Variants in NRCAM observed in about 807,000 individuals in gnomAD.
NRCAM encodes the protein NgCAM-related cell adhesion molecule.
In NRCAM, 83 loss-of-function variants were observed where a neutral mutation model predicts 156.5. The ratio of observed to expected loss-of-function variants is 0.53; its 90% CI spans 0.44 to 0.64. NRCAM has a LOEUF of 0.64. Ranked by LOEUF, NRCAM falls within the 30% of genes least tolerant of loss-of-function variation. The pLI is 0.00. For missense variants in NRCAM, 1,417 were observed against 1,597.3 expected (o/e 0.89, Z 1.92); for synonymous variants, 538 against 563.9 (o/e 0.95, Z 0.65).
chr7:108,207,607 C>T lies in NRCAM; in HGVS notation c.1128G>A (p.Glu376=). Residue 376 remains glutamate, a synonymous_variant, in exon 13 of 33, where the codon GAG becomes GAA. Coordinates refer to ENST00000379028, the MANE Select transcript of NRCAM (RefSeq NM_001037132.4). The part of the protein sequence containing the change: ...APQNLVLSPG[E]DGTLICRANG... Reference sequence around the variant, plus strand: ...TAGCTCTGCAGATCAAGGTCCCATCCTCTCCTGGGGACAGCACAAGATTTT... The same window carrying T: ...TAGCTCTGCAGATCAAGGTCCCATCTTCTCCTGGGGACAGCACAAGATTTT... 1 of 1,613,948 alleles carries T rather than the reference C, an allele frequency of 6.2e-7. No individual in the cohort carries two copies. Among genetic ancestry groups the T allele is most frequent in the Non-Finnish European group, 8.5e-7 (1 of 1,179,870 alleles).
At chr7:108,246,290 CAGGGTGGGTGTTCAGCCTTTG>C (rs1383404273) in intron 3 of NRCAM, among the ~76,000 whole-genome samples, 73 of 152,218 alleles carry the variant, frequency 4.8e-4, no homozygotes, top group African/African-American at 1.7e-3. Context: ...CAAAAAGAAT[CAGGGTGGGTGTTCAGCCTTTG>C]TCTGAACAAA....
chr7:108,224,247 T>C (rs1439467677), intron 10 of NRCAM, among the ~76,000 whole-genome samples: 5 of 152,082 alleles, frequency 3.3e-5, no homozygotes, highest in Non-Finnish European at 5.9e-5. Flanking sequence ...TGGAAGATGT[T>C]AGATTTTTAT....
At chr7:108,444,292 A>G (rs1276978881) in intron 1 of NRCAM, among the ~76,000 whole-genome samples, 2 of 152,066 alleles carry the variant, frequency 1.3e-5, no homozygotes, top group Admixed American at 6.6e-5. Context: ...GTGGTCTGAG[A>G]ACCAATCTTC....
intron 1 of NRCAM, among the ~76,000 whole-genome samples, chr7:108,411,814 A>C (rs1350961634): frequency 6.6e-6 from 1 of 152,184 alleles, no homozygotes; most frequent in Non-Finnish European, 1.5e-5. Context: ...TACAGGCATA[A>C]GCCACCACAC....
chr7:108,311,832 T>C (rs991386314), intron 3 of NRCAM, among the ~76,000 whole-genome samples: 3 of 152,240 alleles, frequency 2.0e-5, no homozygotes, highest in African/African-American at 4.8e-5. Flanking sequence ...AAATCTTGTA[T>C]ACAATCTTCT....
intron 30 of NRCAM, among the ~76,000 whole-genome samples, chr7:108,164,541 C>T (rs1056490820): frequency 9.1e-4 from 14 of 15,304 alleles, no homozygotes; most frequent in African/African-American, 2.1e-3. Flanking sequence ...CCTTACACCG[C>T]GGAACCGAGA....
intron 26 of NRCAM, 105 bp downstream of exon 26, chr7:108,177,885 G>T: frequency 1.0e-6 from 1 of 988,024 alleles, no homozygotes; most frequent in Non-Finnish European, 1.4e-6. Context: ...TATATGTATC[G>T]AAACATCACT....
chr7:108,369,531 C>T (rs968436898), intron 2 of NRCAM, among the ~76,000 whole-genome samples: 3 of 152,106 alleles, frequency 2.0e-5, no homozygotes, highest in Non-Finnish European at 4.4e-5. Context: ...TTATCCTCTT[C>T]AAATATATAT....
At chr7:108,365,917 AAAATTCATATGTTAAAACT>A (rs1179406460) in intron 2 of NRCAM, among the ~76,000 whole-genome samples, 1 of 152,172 alleles carries the variant, frequency 6.6e-6, no homozygotes, top group African/African-American at 2.4e-5. Flanking sequence ...TGCATCTCTC[AAAATTCATATGTTAAAACT>A]TTATCACCAA....
intron 3 of NRCAM, among the ~76,000 whole-genome samples, chr7:108,291,606 T>TGAA (rs2098293032): frequency 6.6e-6 from 1 of 152,170 alleles, no homozygotes; most frequent in African/African-American, 2.4e-5. Context: ...TGCATCTAAA[T>TGAA]GAAGACAGTG....
intron 1 of NRCAM, among the ~76,000 whole-genome samples, chr7:108,446,689 T>A (rs1358496301): frequency 6.6e-6 from 1 of 152,100 alleles, no homozygotes; most frequent in Non-Finnish European, 1.5e-5. Flanking sequence ...ATATCAAATA[T>A]TTTTATACAA....
intron 3 of NRCAM, among the ~76,000 whole-genome samples, chr7:108,269,663 G>T (rs534929886): frequency 1.3e-5 from 2 of 152,296 alleles, no homozygotes; most frequent in African/African-American, 4.8e-5. Flanking sequence ...TACAAAGCTA[G>T]ATGAAACTGT....
At chr7:108,188,360 G>T (rs1183464910) in intron 20 of NRCAM, among the ~76,000 whole-genome samples, 3 of 149,122 alleles carry the variant, frequency 2.0e-5, no homozygotes, top group Admixed American at 1.4e-4. Flanking sequence ...GTTCGCCCTT[G>T]AAGGTAGATC....
chr7:108,368,325 T>C (rs2099606776), intron 2 of NRCAM, among the ~76,000 whole-genome samples: 1 of 149,282 alleles, frequency 6.7e-6, no homozygotes, highest in African/African-American at 2.5e-5. Flanking sequence ...GAAGTATGGG[T>C]GAAAATTTTC....
chr7:108,185,279 T>C (rs1230670026), intron 20 of NRCAM, among the ~76,000 whole-genome samples: 1 of 152,184 alleles, frequency 6.6e-6, no homozygotes, highest in East Asian at 1.9e-4. Flanking sequence ...TTTGAATAAA[T>C]GGGCTCACAC....
At chr7:108,224,231 A>G (rs2092996463) in intron 10 of NRCAM, among the ~76,000 whole-genome samples, 1 of 152,142 alleles carries the variant, frequency 6.6e-6, no homozygotes, top group Non-Finnish European at 1.5e-5. Flanking sequence ...TTAACTGTCT[A>G]TCTTCTGGAA....
intron 11 of NRCAM, among the ~76,000 whole-genome samples, chr7:108,210,241 A>G (rs2083362451): frequency 6.7e-6 from 1 of 150,170 alleles, no homozygotes; most frequent in African/African-American, 2.5e-5. Flanking sequence ...TTGTCACCCA[A>G]TGTTTTGTTT....
intron 14 of NRCAM, among the ~76,000 whole-genome samples, chr7:108,197,102 C>G (rs990345151): frequency 5.9e-5 from 9 of 152,110 alleles, no homozygotes; most frequent in Admixed American, 2.0e-4. Flanking sequence ...TTAAGTGCAA[C>G]AGGCCAGATA....
chr7:108,255,940 G>A lies in NRCAM; in HGVS notation c.-106-15770C>T, dbSNP rs1328145179. Among the ~76,000 whole-genome samples, 153 of 142,706 alleles carry A rather than the reference G, an allele frequency of 1.1e-3. 1 individual carries two copies. The highest frequency in any genetic ancestry group is 3.7e-3 in the African/African-American group (142 of 38,406). 93.6% of individuals were successfully genotyped at this position (142,706 alleles called of 152,430 possible). ...GGGGGCAGCCCCCACCCAGCCAGCC[G>A]CCCTGTCCGGGAGGGAGGTGGGGGG... is the stretch of plus-strand genomic sequence containing the variant. On this transcript the variant is annotated intron_variant, in intron 3 of 32. Coordinates refer to ENST00000379028, the MANE Select transcript of NRCAM (RefSeq NM_001037132.4).
Sources: allele counts gnomAD v4.1 joint callset (sites outside exome capture counted in the v4.1 genomes callset), GRCh38; gene constraint gnomAD v4.1.1; transcripts MANE v1.5; gene names NCBI Gene and HGNC (gene_info 2026-07-23, HGNC 2026-07-21).